GALNTL6: variants seen among roughly 807,000 people sequenced by gnomAD.
GALNTL6 encodes the protein polypeptide N-acetylgalactosaminyltransferase-like 6.
In GALNTL6, 46 loss-of-function variants were observed where a neutral mutation model predicts 73.7. That is an observed-to-expected ratio of 0.62 (90% confidence interval 0.49 to 0.80). The LOEUF (loss-of-function observed/expected upper bound fraction) is 0.80, where lower values mean the gene tolerates loss of function less well. Among genes scored for constraint, GALNTL6 ranks in the 30% least tolerant of loss-of-function variants. The pLI is 0.00. For missense variants in GALNTL6, 604 were observed against 755.0 expected (o/e 0.80, Z 2.34); for synonymous variants, 259 against 263.7 (o/e 0.98, Z 0.17).
chr4:172,950,555 CT>C (rs1381552755), intron 9 of GALNTL6, among the ~76,000 whole-genome samples: 1 of 152,132 alleles, frequency 6.6e-6, no homozygotes, highest in Non-Finnish European at 1.5e-5. Context: ...CAGGAGAGAC[CT>C]GCTGGGAGAC....
intron 3 of GALNTL6, among the ~76,000 whole-genome samples, chr4:172,257,330 C>G (rs1022121806): frequency 6.6e-6 from 1 of 151,230 alleles, no homozygotes; most frequent in Non-Finnish European, 1.5e-5. Context: ...ATCTACGGTC[C>G]TACTCAATTT....
At chr4:172,186,991 C>T (rs1735434496) in intron 2 of GALNTL6, among the ~76,000 whole-genome samples, 2 of 151,788 alleles carry the variant, frequency 1.3e-5, no homozygotes, top group Non-Finnish European at 2.9e-5. Flanking sequence ...ACATTGCCCA[C>T]TAAGTAGAAT....
At chr4:172,503,179 A>T (rs1025532315) in intron 5 of GALNTL6, among the ~76,000 whole-genome samples, 2 of 152,114 alleles carry the variant, frequency 1.3e-5, no homozygotes, top group Non-Finnish European at 1.5e-5. Context: ...AAGAATTGCT[A>T]TTTATTAAAG....
chr4:172,430,526 T>C (rs990163012), intron 5 of GALNTL6, among the ~76,000 whole-genome samples: 1 of 152,174 alleles, frequency 6.6e-6, no homozygotes, highest in African/African-American at 2.4e-5. Context: ...GTTTTATAAG[T>C]TATAATACAT....
At position 172,609,625 on chromosome 4, in the gene GALNTL6, C is replaced by CTCTCTCTGTG. The variant is rs753051714; in HGVS notation, c.554-199735_554-199734insCTCTCTGTGT. On this transcript the variant is annotated intron_variant, in intron 5 of 12. Coordinates refer to ENST00000506823, the MANE Select transcript of GALNTL6 (RefSeq NM_001034845.3). ...TTTCTCTCTCTCTCTCTCTCTCTCT[C>CTCTCTCTGTG]TGTGTGTGTGTGTGTGTGTGTGTGT... Among the ~76,000 whole-genome samples, 336 of 92,770 alleles carry CTCTCTCTGTG rather than the reference C, an allele frequency of 3.6e-3. 1 individual carries two copies. The highest frequency in any genetic ancestry group is 0.012 in the South Asian group (23 of 1,940). 60.9% of individuals were successfully genotyped at this position (92,770 alleles called of 152,430 possible).
rs367623980 is a variant in GALNTL6, at chr4:172,077,170, AC to A, written c.139-152485del. Among the ~76,000 whole-genome samples, 830 of 152,300 alleles carry A rather than the reference AC, an allele frequency of 5.4e-3. 7 individuals are homozygous for A. Among genetic ancestry groups the A allele is most frequent in the African/African-American group, 0.019 (799 of 41,550 alleles). Reference sequence around the variant, plus strand: ...AGTTCTTTATAGAGTGTGAAAATGGACAAATACAGAAAATTGGTACTAGGAA... The same window carrying A: ...AGTTCTTTATAGAGTGTGAAAATGGAAAATACAGAAAATTGGTACTAGGAA... On this transcript the variant is annotated intron_variant, in intron 2 of 12. Transcript: ENST00000506823.
intron 5 of GALNTL6, among the ~76,000 whole-genome samples, chr4:172,687,332 C>T (rs1732976849): frequency 6.6e-6 from 1 of 151,990 alleles, no homozygotes; most frequent in South Asian, 2.1e-4. Context: ...AGAATTAGCC[C>T]TGTTAATAAT....
chr4:172,555,429 T>C (rs1263154355), intron 5 of GALNTL6, among the ~76,000 whole-genome samples: 1 of 152,108 alleles, frequency 6.6e-6, no homozygotes, highest in Non-Finnish European at 1.5e-5. Context: ...ATGAGTCTAA[T>C]ACAATTGTTA....
At chr4:171,917,991 T>G (rs954847557) in intron 2 of GALNTL6, among the ~76,000 whole-genome samples, 11 of 152,102 alleles carry the variant, frequency 7.2e-5, no homozygotes, top group African/African-American at 2.7e-4. Flanking sequence ...ATCCAAACAT[T>G]TTTTAATGGT....
intron 5 of GALNTL6, among the ~76,000 whole-genome samples, chr4:172,541,811 G>C (rs1202980137): frequency 1.3e-5 from 2 of 152,050 alleles, no homozygotes; most frequent in African/African-American, 2.4e-5. Context: ...GCTCCTTGAA[G>C]GTCATATACC....
chr4:171,844,855 T>G (rs572954844), intron 2 of GALNTL6, among the ~76,000 whole-genome samples: 1 of 152,250 alleles, frequency 6.6e-6, no homozygotes, highest in African/African-American at 2.4e-5. Context: ...GGGACTTTCT[T>G]TGGAGATGCT....
At chr4:172,496,359 G>T (rs1734071081) in intron 5 of GALNTL6, among the ~76,000 whole-genome samples, 1 of 152,048 alleles carries the variant, frequency 6.6e-6, no homozygotes. Flanking sequence ...TGGATTTCTA[G>T]AAATAAGTTA....
At chr4:172,091,545 A>T (rs1732202682) in intron 2 of GALNTL6, among the ~76,000 whole-genome samples, 1 of 152,216 alleles carries the variant, frequency 6.6e-6, no homozygotes. Context: ...TAATGGCTCC[A>T]TAAATTTAAC....
At chr4:172,612,457 G>T (rs1001615131) in intron 5 of GALNTL6, among the ~76,000 whole-genome samples, 1 of 152,058 alleles carries the variant, frequency 6.6e-6, no homozygotes, top group Non-Finnish European at 1.5e-5. Context: ...TGGGGAGATA[G>T]TGTCACTAGT....
chr4:172,002,221 T>C (rs1412909614), intron 2 of GALNTL6, among the ~76,000 whole-genome samples: 2 of 152,224 alleles, frequency 1.3e-5, no homozygotes, highest in Non-Finnish European at 2.9e-5. Flanking sequence ...ATTCATATGT[T>C]GAAACTGAAT....
chr4:171,818,959 T>C (rs989991031), intron 2 of GALNTL6, among the ~76,000 whole-genome samples: 1 of 152,062 alleles, frequency 6.6e-6, no homozygotes, highest in African/African-American at 2.4e-5. Flanking sequence ...TAAGAAAATA[T>C]CAGATAATTG....
At position 173,023,372 on chromosome 4, in the gene GALNTL6, G is replaced by A. The variant is rs143681887; in HGVS notation, c.1638+1747G>A. Among the ~76,000 whole-genome samples the A allele has an allele frequency of 9.2e-4, 140 of 152,148 alleles. 1 individual carries two copies. The highest frequency in any genetic ancestry group is 3.0e-3 in the African/African-American group (124 of 41,528). On this transcript the variant is annotated intron_variant, in intron 12 of 12. Coordinates refer to ENST00000506823, the MANE Select transcript of GALNTL6 (RefSeq NM_001034845.3). ...TGTCTAGCAAAATTACAAAACATCA[G>A]TTGAGCCGAGCACAGTAGCTCACGC...
intron 5 of GALNTL6, among the ~76,000 whole-genome samples, chr4:172,728,160 T>A (rs1203742061): frequency 6.6e-6 from 1 of 152,168 alleles, no homozygotes; most frequent in Non-Finnish European, 1.5e-5. Flanking sequence ...CCTCCCAAAG[T>A]GCTGGGATTA....
chr4:172,913,316 A>C (rs1347970383), intron 8 of GALNTL6, among the ~76,000 whole-genome samples: 2 of 152,232 alleles, frequency 1.3e-5, no homozygotes, highest in African/African-American at 4.8e-5. Flanking sequence ...AATTCTAAAA[A>C]TCAGAGCACC....
Sources: allele counts gnomAD v4.1 joint callset (sites outside exome capture counted in the v4.1 genomes callset), GRCh38; gene constraint gnomAD v4.1.1; transcripts MANE v1.5; gene names NCBI Gene and HGNC (gene_info 2026-07-23, HGNC 2026-07-21).